The following HS3ST2 variants were observed in gnomAD, a reference collection of about 807,000 sequenced individuals.
HS3ST2 encodes heparan sulfate-glucosamine 3-sulfotransferase 2.
In HS3ST2, 17 loss-of-function variants were observed where a neutral mutation model predicts 26.3. The observed-to-expected ratio is 0.65, with a 90% CI of 0.44 to 0.97. The LOEUF (loss-of-function observed/expected upper bound fraction) is 0.97, where lower values mean the gene tolerates loss of function less well. Ranked by LOEUF, HS3ST2 falls within the 50% of genes least tolerant of loss-of-function variation. The probability of loss-of-function intolerance (pLI) is 0.00; values close to 1 mark genes in which losing one functional copy is unlikely to be tolerated. For missense variants in HS3ST2, 402 were observed against 501.2 expected (o/e 0.80, Z 1.89); for synonymous variants, 237 against 219.2 (o/e 1.08, Z -0.72).
At chr16:22,849,650 A>G (rs891328177) in intron 1 of HS3ST2, among the ~76,000 whole-genome samples, 4 of 152,216 alleles carry the variant, frequency 2.6e-5, no homozygotes, top group Non-Finnish European at 5.9e-5. Flanking sequence ...GTCATCACAG[A>G]AAAAGAAAAG....
At chr16:22,914,006 C>A (rs1902457860) in intron 1 of HS3ST2, among the ~76,000 whole-genome samples, 1 of 152,208 alleles carries the variant, frequency 6.6e-6, no homozygotes, top group East Asian at 1.9e-4. Flanking sequence ...GGAGTGGTGG[C>A]ATGAGCCTGT....
intron 1 of HS3ST2, among the ~76,000 whole-genome samples, chr16:22,816,010 G>A (rs755319898): frequency 6.6e-5 from 10 of 152,210 alleles, no homozygotes; most frequent in Middle Eastern, 3.2e-3. Context: ...TGCATGCCAG[G>A]GAGGAGAATT....
intron 1 of HS3ST2, among the ~76,000 whole-genome samples, chr16:22,837,505 A>G (rs562700289): frequency 6.9e-6 from 1 of 144,252 alleles, no homozygotes; most frequent in Non-Finnish European, 1.5e-5. Context: ...GTGTGTATAT[A>G]TATGTGTATA....
intron 1 of HS3ST2, among the ~76,000 whole-genome samples, chr16:22,854,420 A>G (rs1403901850): frequency 6.6e-6 from 1 of 152,092 alleles, no homozygotes; most frequent in Non-Finnish European, 1.5e-5. Context: ...TCTTTAATTC[A>G]GGAACTTTTC....
At chr16:22,885,980 G>A (rs1046194502) in intron 1 of HS3ST2, among the ~76,000 whole-genome samples, 10 of 152,146 alleles carry the variant, frequency 6.6e-5, no homozygotes, top group African/African-American at 2.2e-4. Flanking sequence ...TGGCTCATGT[G>A]TGGAAGCCCA....
At chr16:22,880,161 G>T (rs770673381) in intron 1 of HS3ST2, among the ~76,000 whole-genome samples, 3 of 152,170 alleles carry the variant, frequency 2.0e-5, no homozygotes, top group Non-Finnish European at 2.9e-5. Flanking sequence ...GCTCATTCCT[G>T]TAATCCCAAC....
chr16:22,837,861 C>G (rs1458256483), intron 1 of HS3ST2, among the ~76,000 whole-genome samples: 1 of 151,812 alleles, frequency 6.6e-6, no homozygotes, highest in Non-Finnish European at 1.5e-5. Context: ...GTGAGATGAT[C>G]TCTAACACAC....
chr16:22,855,698 C>CTCTG (rs1419964056), intron 1 of HS3ST2, among the ~76,000 whole-genome samples: 7 of 126,886 alleles, frequency 5.5e-5, no homozygotes, highest in South Asian at 5.0e-4. Context: ...GTCTCTCTGT[C>CTCTG]TCTCTCTCTC....
intron 1 of HS3ST2, among the ~76,000 whole-genome samples, chr16:22,843,044 C>T (rs529187935): frequency 6.3e-4 from 96 of 152,264 alleles, no homozygotes; most frequent in African/African-American, 2.3e-3. Context: ...AGATGCCATT[C>T]TCTTTTTGAC....
At chr16:22,914,825 TG>T in intron 1 of HS3ST2, 118 bp from the exon 2 acceptor site, 1 of 910,442 alleles carries the variant, frequency 1.1e-6, no homozygotes, top group Non-Finnish European at 1.6e-6. Flanking sequence ...AAGCTTTGAG[TG>T]GAACAGAGGC....
chr16:22,891,337 G>A (rs1285644097), intron 1 of HS3ST2, among the ~76,000 whole-genome samples: 1 of 152,174 alleles, frequency 6.6e-6, no homozygotes, highest in African/African-American at 2.4e-5. Flanking sequence ...TCTTTCCACA[G>A]TTCTGCAGAG....
intron 1 of HS3ST2, among the ~76,000 whole-genome samples, chr16:22,914,667 T>C (rs759221138): frequency 1.5e-5 from 2 of 134,760 alleles, no homozygotes; most frequent in Non-Finnish European, 3.0e-5. Flanking sequence ...ATCCCAGGAG[T>C]TGGAAGCTGC....
intron 1 of HS3ST2, among the ~76,000 whole-genome samples, chr16:22,836,986 G>GA (rs1381612049): frequency 6.6e-6 from 1 of 152,100 alleles, no homozygotes; most frequent in East Asian, 1.9e-4. Context: ...AAGCACCTCT[G>GA]AAATCATGGA....
intron 1 of HS3ST2, among the ~76,000 whole-genome samples, chr16:22,819,090 TCCTCCCTC>T (rs1289323626): frequency 7.1e-4 from 4 of 5,664 alleles, no homozygotes; most frequent in African/African-American, 5.0e-3. Context: ...CTCCCTCCCT[TCCTCCCTC>T]CCTCCCTTCC....
intron 1 of HS3ST2, among the ~76,000 whole-genome samples, chr16:22,887,118 G>A (rs1262348628): frequency 2.0e-5 from 3 of 152,082 alleles, no homozygotes. Context: ...GATTTATCGT[G>A]TGCACCTGGG....
Position 22,819,134 on chromosome 16 carries a change from T to C in HS3ST2, c.485+4039T>C, listed in dbSNP as rs147752698. On this transcript the variant is annotated intron_variant, in intron 1 of 1. Transcript: ENST00000261374. ...TTCCTTCCTTCCTTCCTTCCTTCAT[T>C]CCTTCCTTCCTTCCTTCCTTCCCTC... Among the ~76,000 whole-genome samples the C allele has an allele frequency of 8.6e-4, 32 of 37,066 alleles. 2 individuals carry two copies. The highest frequency in any genetic ancestry group is 3.9e-3 in the African/African-American group (27 of 6,968). 24.3% of individuals were successfully genotyped at this position (37,066 alleles called of 152,430 possible). A position where few individuals can be genotyped will look rare whatever the true frequency, so the allele number is the denominator to read the frequency against.
intron 1 of HS3ST2, among the ~76,000 whole-genome samples, chr16:22,854,398 G>A (rs1901561652): frequency 6.6e-6 from 1 of 152,038 alleles, no homozygotes; most frequent in Non-Finnish European, 1.5e-5. Context: ...TTGAAACACA[G>A]GTTCAGGTTT....
chr16:22,882,722 C>T (rs1902005874), intron 1 of HS3ST2, among the ~76,000 whole-genome samples: 1 of 149,188 alleles, frequency 6.7e-6, no homozygotes, highest in African/African-American at 2.5e-5. Flanking sequence ...CAGAGTGAGA[C>T]TCCATCTTAA....
At chr16:22,826,940 AG>A (rs1286265477) in intron 1 of HS3ST2, among the ~76,000 whole-genome samples, 1 of 152,222 alleles carries the variant, frequency 6.6e-6, no homozygotes, top group Non-Finnish European at 1.5e-5. Flanking sequence ...TCAATAAATA[AG>A]TAAGTCAAAC....
Sources: gnomAD v4.1 joint callset for allele counts (sites outside exome capture counted in the v4.1 genomes callset) on GRCh38, gnomAD v4.1.1 for gene constraint, MANE v1.5 for transcripts, NCBI Gene and HGNC (gene_info 2026-07-23, HGNC 2026-07-21) for gene names.